The following RPS6KA2 variants were observed in gnomAD, a reference collection of about 807,000 sequenced individuals.
RPS6KA2 encodes ribosomal protein S6 kinase alpha-2.
In RPS6KA2, 42 loss-of-function variants were observed where a neutral mutation model predicts 91.8. That is an observed-to-expected ratio of 0.46 (90% CI 0.36 to 0.59). The LOEUF is 0.59. RPS6KA2 is among the 20% of genes least tolerant of loss of function. RPS6KA2 has a pLI of 0.00. For synonymous variants in RPS6KA2, 414 were observed against 393.6 expected, an observed-to-expected ratio of 1.05 and a Z score of -0.61; for missense variants, 798 against 978.5, an observed-to-expected ratio of 0.82 and a Z score of 2.46.
chr6:166,735,337 G>A (rs777185288), intron 2 of RPS6KA2, among the ~76,000 whole-genome samples: 19 of 152,290 alleles, frequency 1.2e-4, no homozygotes, highest in Middle Eastern at 6.8e-3. Flanking sequence ...CTCTCATGGC[G>A]GACTAGTCTC....
chr6:166,677,817 C>G (rs1048688895), intron 2 of RPS6KA2, among the ~76,000 whole-genome samples: 3 of 152,154 alleles, frequency 2.0e-5, no homozygotes, highest in Admixed American at 1.3e-4. Context: ...TAAAACAAGA[C>G]TGGCCTGGTC....
chr6:166,625,329 CCA>C (rs879702137), intron 1 of RPS6KA2, among the ~76,000 whole-genome samples: 2,845 of 41,698 alleles, frequency 0.068, 10 homozygotes, highest in African/African-American at 0.11. Context: ...CACCACCCCC[CCA>C]CCCCCCCCCC....
intron 2 of RPS6KA2, among the ~76,000 whole-genome samples, chr6:166,824,966 C>T (rs1562458786): frequency 6.6e-6 from 1 of 152,234 alleles, no homozygotes; most frequent in South Asian, 2.1e-4. Flanking sequence ...GCGTTCTGTG[C>T]TTCACCCTGT....
chr6:166,730,708 A>C (rs555850728), intron 2 of RPS6KA2, among the ~76,000 whole-genome samples: 8 of 152,358 alleles, frequency 5.3e-5, no homozygotes, highest in Middle Eastern at 3.4e-3. Context: ...TCTAATAAAT[A>C]TAGGTACAAA....
chr6:166,644,138 C>T (rs1437460960), intron 2 of RPS6KA2, among the ~76,000 whole-genome samples: 1 of 152,192 alleles, frequency 6.6e-6, no homozygotes, highest in Admixed American at 6.5e-5. Flanking sequence ...TCCTCTCCTT[C>T]CCTTTTCCTC....
chr6:166,727,657 T>C lies in RPS6KA2; in HGVS notation c.123+130543A>G, dbSNP rs1390401928. Among the ~76,000 whole-genome samples, 3 of 152,032 alleles carry C rather than the reference T, an allele frequency of 2.0e-5. No individual in the cohort carries two copies. The East Asian group carries it at 5.8e-4, about 29-fold the overall frequency. Reference sequence around the variant, plus strand: ...CCAGCATCCTGAACACCCTCAGGTATCAGCGCCCTAAAGCACCAGCACCCT... The same window carrying C: ...CCAGCATCCTGAACACCCTCAGGTACCAGCGCCCTAAAGCACCAGCACCCT... On this transcript the variant is annotated intron_variant, in intron 2 of 21. Transcript: ENST00000503859.
intron 3 of RPS6KA2, among the ~76,000 whole-genome samples, chr6:166,515,538 T>C (rs1330048698): frequency 6.6e-6 from 1 of 152,204 alleles, no homozygotes; most frequent in African/African-American, 2.4e-5. Flanking sequence ...GAGAGGACAC[T>C]CTGAAGGGCA....
At chr6:166,453,244 G>A (rs1012870567) in intron 12 of RPS6KA2, among the ~76,000 whole-genome samples, 5 of 151,116 alleles carry the variant, frequency 3.3e-5, no homozygotes, top group African/African-American at 1.2e-4. Context: ...AAGGCTTTAA[G>A]ACCAGCATAA....
chr6:166,534,805 G>C (rs1317910888), intron 2 of RPS6KA2, among the ~76,000 whole-genome samples: 1 of 152,232 alleles, frequency 6.6e-6, no homozygotes, highest in Non-Finnish European at 1.5e-5. Context: ...TTCTCTGTGG[G>C]GCCAGGTACT....
intron 1 of RPS6KA2, among the ~76,000 whole-genome samples, chr6:166,569,260 T>G (rs997306662): frequency 4.6e-5 from 7 of 152,100 alleles, no homozygotes; most frequent in Non-Finnish European, 7.4e-5. Flanking sequence ...CCCATTCTGC[T>G]CCTCCCGTCT....
chr6:166,681,690 G>GCCCCCCC (rs66580252), intron 2 of RPS6KA2, among the ~76,000 whole-genome samples: 22 of 57,548 alleles, frequency 3.8e-4, no homozygotes, highest in African/African-American at 1.5e-3. Flanking sequence ...CCCCCTGCCC[G>GCCCCCCC]CCCCCCCCCC....
chr6:166,552,778 C>A (rs777424636), intron 1 of RPS6KA2, among the ~76,000 whole-genome samples: 9 of 152,260 alleles, frequency 5.9e-5, no homozygotes, highest in East Asian at 3.9e-4. Context: ...ATGCTATTTC[C>A]GAATTGCTAA....
intron 2 of RPS6KA2, among the ~76,000 whole-genome samples, chr6:166,832,961 G>T (rs552456683): frequency 6.6e-6 from 1 of 152,302 alleles, no homozygotes; most frequent in South Asian, 2.1e-4. Context: ...TTTGAAAGCA[G>T]CTTGCTCTCT....
At chr6:166,415,733 T>TAAGAC (rs1275277105) in intron 19 of RPS6KA2, among the ~76,000 whole-genome samples, 6 of 152,134 alleles carry the variant, frequency 3.9e-5, no homozygotes, top group Non-Finnish European at 8.8e-5. Flanking sequence ...TACACTCATT[T>TAAGAC]AAGACAAAGT....
At chr6:166,589,997 T>C (rs1456753427) in intron 1 of RPS6KA2, among the ~76,000 whole-genome samples, 1 of 152,050 alleles carries the variant, frequency 6.6e-6, no homozygotes, top group African/African-American at 2.4e-5. Flanking sequence ...GAAGGGCCCC[T>C]GGGCAGCTTG....
intron 2 of RPS6KA2, among the ~76,000 whole-genome samples, chr6:166,747,419 T>C (rs1292185695): frequency 1.3e-5 from 2 of 152,206 alleles, no homozygotes; most frequent in African/African-American, 4.8e-5. Context: ...AATGGCCCAG[T>C]TGGAAGACAC....
intron 2 of RPS6KA2, among the ~76,000 whole-genome samples, chr6:166,670,123 C>T (rs1788429408): frequency 6.6e-6 from 1 of 152,268 alleles, no homozygotes; most frequent in Admixed American, 6.5e-5. Context: ...GGAGAATGTA[C>T]ACTTCCAGTC....
intron 2 of RPS6KA2, among the ~76,000 whole-genome samples, chr6:166,773,068 C>T (rs1430505079): frequency 6.6e-6 from 1 of 152,220 alleles, no homozygotes; most frequent in Admixed American, 6.5e-5. Flanking sequence ...GCGGGCTCCA[C>T]GTCTGGGTCA....
intron 2 of RPS6KA2, among the ~76,000 whole-genome samples, chr6:166,823,905 T>A (rs1779967850): frequency 6.6e-6 from 1 of 152,210 alleles, no homozygotes; most frequent in South Asian, 2.1e-4. Flanking sequence ...CGTGGGATAG[T>A]ATGCTCACGT....
Sources: allele counts gnomAD v4.1 joint callset (sites outside exome capture counted in the v4.1 genomes callset), GRCh38; gene constraint gnomAD v4.1.1; transcripts MANE v1.5; gene names NCBI Gene and HGNC (gene_info 2026-07-23, HGNC 2026-07-21).